Variants in PDE7B observed in about 807,000 individuals in gnomAD.
The protein encoded by PDE7B is phosphodiesterase 7B, also known as 3',5'-cyclic-AMP phosphodiesterase 7B.
In PDE7B, 29 loss-of-function variants were observed where a neutral mutation model predicts 56.2. The ratio of observed to expected loss-of-function variants is 0.52; its 90% CI spans 0.38 to 0.70. The LOEUF (loss-of-function observed/expected upper bound fraction) is 0.70. Ranked by LOEUF, PDE7B falls within the 30% of genes least tolerant of loss-of-function variation. The pLI, the probability that PDE7B is intolerant of heterozygous loss-of-function variation, is 0.00. For missense variants in PDE7B, 490 were observed against 565.0 expected (o/e 0.87, Z 1.35); for synonymous variants, 197 against 196.9 (o/e 1.00, Z 0.00).
intron 2 of PDE7B, among the ~76,000 whole-genome samples, chr6:136,075,419 A>T (rs151153582): frequency 6.6e-6 from 1 of 152,158 alleles, no homozygotes; most frequent in East Asian, 1.9e-4. Context: ...TTTGTACGTA[A>T]TGAATGAGAT....
chr6:135,956,490 C>T (rs1774796995), intron 2 of PDE7B, among the ~76,000 whole-genome samples: 1 of 152,064 alleles, frequency 6.6e-6, no homozygotes, highest in African/African-American at 2.4e-5. Context: ...AGAAATTGGT[C>T]TGAGAGGGCT....
chr6:135,934,848 T>C (rs1424761499), intron 1 of PDE7B, among the ~76,000 whole-genome samples: 1 of 82,314 alleles, frequency 1.2e-5, no homozygotes, highest in African/African-American at 4.3e-5. Flanking sequence ...TATATTTATT[T>C]AAATAAATAT....
chr6:136,092,836 G>A (rs1223129944), intron 2 of PDE7B, among the ~76,000 whole-genome samples: 2 of 152,124 alleles, frequency 1.3e-5, no homozygotes, highest in Non-Finnish European at 2.9e-5. Flanking sequence ...TCTCAGACAG[G>A]ATAAATAAAT....
At chr6:135,875,409 T>C (rs1438573518) in intron 1 of PDE7B, among the ~76,000 whole-genome samples, 1 of 152,040 alleles carries the variant, frequency 6.6e-6, no homozygotes, top group African/African-American at 2.4e-5. Flanking sequence ...TATACTAGAA[T>C]AAAAATATAA....
intron 2 of PDE7B, among the ~76,000 whole-genome samples, chr6:136,050,369 A>G (rs1245692602): frequency 6.6e-6 from 1 of 151,778 alleles, no homozygotes; most frequent in Non-Finnish European, 1.5e-5. Context: ...TCCCATCTAC[A>G]TTGCCTGCAA....
chr6:136,079,819 C>A (rs1777179192), intron 2 of PDE7B, among the ~76,000 whole-genome samples: 1 of 152,024 alleles, frequency 6.6e-6, no homozygotes, highest in South Asian at 2.1e-4. Context: ...GAATGACACT[C>A]CCCTTAACCC....
At chr6:136,001,905 C>T (rs1422968774) in intron 2 of PDE7B, among the ~76,000 whole-genome samples, 5 of 151,894 alleles carry the variant, frequency 3.3e-5, no homozygotes, top group Non-Finnish European at 5.9e-5. Flanking sequence ...TTGTCAGATT[C>T]ACCAAAGTTG....
In PDE7B at chr6:136,028,160, G is replaced by A. The variant is rs995777224; in HGVS notation, c.83-80571G>A. ...AATTAATGAATGAATTAAGGGCGCAGCACTGAGACGTTAAGTTAAGAAGTA... is the reference window on the plus strand; with the variant it reads ...AATTAATGAATGAATTAAGGGCGCAACACTGAGACGTTAAGTTAAGAAGTA... On this transcript the variant is annotated intron_variant, in intron 2 of 12. Transcript: ENST00000308191. Among the ~76,000 whole-genome samples the A allele has an allele frequency of 4.6e-5, 7 of 152,162 alleles. 1 individual carries two copies. In the East Asian group the frequency reaches 1.2e-3, roughly 25 times the overall value.
chr6:136,004,418 T>A (rs1371705433), intron 2 of PDE7B, among the ~76,000 whole-genome samples: 1 of 152,156 alleles, frequency 6.6e-6, no homozygotes, highest in South Asian at 2.1e-4. Context: ...AAATTGTCCC[T>A]GTTTGCAGAT....
chr6:136,181,804 G>A (rs1279461929), intron 11 of PDE7B, among the ~76,000 whole-genome samples: 2 of 151,894 alleles, frequency 1.3e-5, no homozygotes, highest in Non-Finnish European at 2.9e-5. Context: ...TGACCAAAAA[G>A]TGAGTTCTTC....
At chr6:136,181,161 C>T in intron 10 of PDE7B, 66 bp from the exon 11 acceptor site, 1 of 1,127,804 alleles carries the variant, frequency 8.9e-7, no homozygotes, top group Non-Finnish European at 1.4e-6. Context: ...GCCTCTTTGG[C>T]TTGGGGTGCT....
At chr6:135,946,244 T>C (rs1774594097) in intron 1 of PDE7B, among the ~76,000 whole-genome samples, 1 of 151,096 alleles carries the variant, frequency 6.6e-6, no homozygotes, top group Non-Finnish European at 1.5e-5. Flanking sequence ...ATTTGAATAT[T>C]CCAGATTTTT....
chr6:136,109,465 AC>A (rs1170423337), intron 3 of PDE7B, among the ~76,000 whole-genome samples: 1 of 152,096 alleles, frequency 6.6e-6, no homozygotes, highest in Non-Finnish European at 1.5e-5. Flanking sequence ...TGTTTTTAAA[AC>A]CCCACAGGGA....
intron 1 of PDE7B, among the ~76,000 whole-genome samples, chr6:135,945,830 C>A (rs2128199275): frequency 6.6e-6 from 1 of 152,224 alleles, no homozygotes; most frequent in Middle Eastern, 3.4e-3. Flanking sequence ...CAAATGGCCT[C>A]TCAAGGAAGA....
At chr6:136,057,999 A>T (rs1206521672) in intron 2 of PDE7B, among the ~76,000 whole-genome samples, 3 of 152,138 alleles carry the variant, frequency 2.0e-5, no homozygotes, top group African/African-American at 7.2e-5. Flanking sequence ...GACCTTTAAA[A>T]GTGCTGGGAT....
At chr6:136,010,486 A>T (rs1202529759) in intron 2 of PDE7B, among the ~76,000 whole-genome samples, 1 of 149,640 alleles carries the variant, frequency 6.7e-6, no homozygotes, top group Non-Finnish European at 1.5e-5. Context: ...GCTCACTGCA[A>T]CCTCCACCTC....
chr6:136,056,449 AAGTT>A (rs1199318421), intron 2 of PDE7B, among the ~76,000 whole-genome samples: 3 of 150,720 alleles, frequency 2.0e-5, no homozygotes, highest in Admixed American at 6.6e-5. Flanking sequence ...CAAAGCTGAA[AAGTT>A]AGTTAGAGGC....
chr6:135,957,415 A>G (rs922961476), intron 2 of PDE7B, among the ~76,000 whole-genome samples: 8 of 152,174 alleles, frequency 5.3e-5, no homozygotes, highest in African/African-American at 1.9e-4. Context: ...AAAATACAGA[A>G]AAGACAAACT....
intron 2 of PDE7B, chr6:136,037,744 C>T (rs1488871862): frequency 1.0e-6 from 1 of 985,466 alleles, no homozygotes; most frequent in Non-Finnish European, 1.2e-6. Flanking sequence ...AAAGGGGAAG[C>T]CCCGCTTCTT....
Sources: gnomAD v4.1 joint callset for allele counts (sites outside exome capture counted in the v4.1 genomes callset) on GRCh38, gnomAD v4.1.1 for gene constraint, MANE v1.5 for transcripts, NCBI Gene and HGNC (gene_info 2026-07-23, HGNC 2026-07-21) for gene names.